The following RFX4 variants were observed in gnomAD, a reference collection of about 807,000 sequenced individuals.
RFX4 encodes the protein regulatory factor X4.
Under a neutral mutation model 95.0 loss-of-function variants are expected in RFX4, and 10 were observed. The ratio of observed to expected loss-of-function variants is 0.11; its 90% CI spans 0.06 to 0.18. The LOEUF is 0.18. Ranked by LOEUF, RFX4 falls within the 10% of genes least tolerant of loss-of-function variation. The probability of loss-of-function intolerance (pLI) is 1.00; values close to 1 mark genes in which losing one functional copy is unlikely to be tolerated. For synonymous variants in RFX4, 321 were observed against 340.7 expected (o/e 0.94, Z 0.64); for missense variants, 640 against 922.0 (o/e 0.69, Z 3.96).
chr12:106,673,343 T>C (rs2041322988), intron 4 of RFX4, among the ~76,000 whole-genome samples: 1 of 152,174 alleles, frequency 6.6e-6, no homozygotes, highest in African/African-American at 2.4e-5. Flanking sequence ...TGAAAGCCTG[T>C]TGAGGTTGAG....
At chr12:106,755,554 GA>G (rs1176119327) in intron 17 of RFX4, among the ~76,000 whole-genome samples, 1 of 152,194 alleles carries the variant, frequency 6.6e-6, no homozygotes, top group Admixed American at 6.5e-5. Context: ...TCGGAGAGTG[GA>G]AGGTGAATTC....
intron 2 of RFX4, among the ~76,000 whole-genome samples, chr12:106,635,658 A>G (rs2040497512): frequency 6.6e-6 from 1 of 152,076 alleles, no homozygotes; most frequent in African/African-American, 2.4e-5. Context: ...TTATTTGCTC[A>G]GTATTATAAT....
In RFX4 at chr12:106,583,156, C is replaced by A; in HGVS notation, c.-165C>A. 1 of 531,566 alleles carries A rather than the reference C, an allele frequency of 1.9e-6. No homozygotes were observed. The highest frequency in any genetic ancestry group is 3.1e-6 in the Non-Finnish European group (1 of 321,272). 32.9% of individuals were successfully genotyped at this position (531,566 alleles called of 1,614,324 possible). A position where few individuals can be genotyped will look rare whatever the true frequency, so the allele number is the denominator to read the frequency against. ...TTCTCTTTTCTTTCCTCTTCTTTTT[C>A]TTTTCTTTTCCTTTCCTCCTTTATC... is the stretch of plus-strand genomic sequence containing the variant. On this transcript the variant is annotated 5_prime_UTR_variant, in exon 1 of 18. Coordinates refer to ENST00000392842, the MANE Select transcript of RFX4 (RefSeq NM_213594.3).
intron 1 of RFX4, chr12:106,601,420 C>T: frequency 1.4e-6 from 2 of 1,450,254 alleles, no homozygotes; most frequent in Non-Finnish European, 1.9e-6. Context: ...GCCAGGCCCG[C>T]CTTGGTAGCT....
intron 8 of RFX4, among the ~76,000 whole-genome samples, chr12:106,706,822 C>T (rs550347777): frequency 3.5e-4 from 54 of 152,324 alleles, no homozygotes; most frequent in African/African-American, 1.2e-3. Context: ...ACAAACTAAA[C>T]ATCTTTGGGA....
At chr12:106,611,919 A>G (rs1196972413) in intron 2 of RFX4, among the ~76,000 whole-genome samples, 1 of 152,220 alleles carries the variant, frequency 6.6e-6, no homozygotes, top group Non-Finnish European at 1.5e-5. Flanking sequence ...GTCAAAAAAC[A>G]TTTGATCATG....
intron 3 of RFX4, among the ~76,000 whole-genome samples, chr12:106,643,035 G>A (rs1418194631): frequency 6.6e-6 from 1 of 152,212 alleles, no homozygotes; most frequent in Admixed American, 6.5e-5. Flanking sequence ...AGGGAGTTCT[G>A]AGGTGGAGAT....
At chr12:106,644,867 C>A (rs923290203) in intron 3 of RFX4, among the ~76,000 whole-genome samples, 1 of 152,158 alleles carries the variant, frequency 6.6e-6, no homozygotes, top group African/African-American at 2.4e-5. Flanking sequence ...AGTGGCCAGC[C>A]CCTGAGGACA....
chr12:106,724,820 T>C (rs2042460810), intron 13 of RFX4, among the ~76,000 whole-genome samples: 1 of 152,130 alleles, frequency 6.6e-6, no homozygotes, highest in African/African-American at 2.4e-5. Flanking sequence ...GAGACCAGCC[T>C]GGACAACATG....
At chr12:106,753,250 G>A (rs1182087583) in intron 17 of RFX4, among the ~76,000 whole-genome samples, 3 of 152,080 alleles carry the variant, frequency 2.0e-5, no homozygotes, top group African/African-American at 4.8e-5. Context: ...TGGATGTGCC[G>A]AGTTCCTCCA....
chr12:106,597,974 G>C (rs562922949), intron 1 of RFX4, among the ~76,000 whole-genome samples: 1 of 152,316 alleles, frequency 6.6e-6, no homozygotes, highest in South Asian at 2.1e-4. Flanking sequence ...GCTAGAACTT[G>C]CTCTGGTCCA....
At chr12:106,713,212 G>A (rs1188950386) in intron 10 of RFX4, among the ~76,000 whole-genome samples, 3 of 152,094 alleles carry the variant, frequency 2.0e-5, no homozygotes, top group South Asian at 2.1e-4. Context: ...ACTAAACAAC[G>A]TCCAACTGAA....
chr12:106,747,619 T>G lies in RFX4; in HGVS notation c.1796+20T>G, dbSNP rs370322027. ...ACATGGGTAGGTAACTTTCCAGGGA[T>G]GCTGCTGGACTTTTAAAATTTGATC... On this transcript the variant is annotated intron_variant, in intron 16 of 17. Coordinates refer to ENST00000392842, the MANE Select transcript of RFX4 (RefSeq NM_213594.3). 1.2e-6 allele frequency: 2 copies of G among 1,610,898 alleles called. No homozygotes were observed. The highest frequency in any genetic ancestry group is 1.7e-6 in the Non-Finnish European group (2 of 1,177,826).
At chr12:106,719,328 G>C (rs2042354695) in intron 11 of RFX4, among the ~76,000 whole-genome samples, 1 of 152,174 alleles carries the variant, frequency 6.6e-6, no homozygotes, top group Admixed American at 6.5e-5. Context: ...TTGTGGTCCA[G>C]AAACATTTGA....
At chr12:106,629,826 C>G (rs2040380886) in intron 2 of RFX4, among the ~76,000 whole-genome samples, 1 of 152,186 alleles carries the variant, frequency 6.6e-6, no homozygotes, top group South Asian at 2.1e-4. Context: ...CTATGACCCT[C>G]CGGCCTCAGC....
chr12:106,658,872 T>C (rs2041013993), intron 4 of RFX4, among the ~76,000 whole-genome samples: 1 of 152,126 alleles, frequency 6.6e-6, no homozygotes, highest in Non-Finnish European at 1.5e-5. Flanking sequence ...TGTAGCTCTG[T>C]TATTGTGTTG....
At chr12:106,668,835 CT>C (rs1305173483) in intron 4 of RFX4, among the ~76,000 whole-genome samples, 1 of 152,100 alleles carries the variant, frequency 6.6e-6, no homozygotes, top group Non-Finnish European at 1.5e-5. Context: ...TCACTTAAGA[CT>C]GTGGAGGGTG....
intron 13 of RFX4, among the ~76,000 whole-genome samples, chr12:106,731,548 A>G (rs1206987390): frequency 6.6e-6 from 1 of 152,250 alleles, no homozygotes; most frequent in African/African-American, 2.4e-5. Context: ...TTAATGAATT[A>G]CCTTTTCTAA....
chr12:106,687,182 T>TCTCTCCCA (rs1443795120), intron 6 of RFX4, 85 bp downstream of exon 6: 1 of 496,004 alleles, frequency 2.0e-6, no homozygotes. Flanking sequence ...TCTCTCTCTC[T>TCTCTCCCA]CACACACACA....
Sources: allele counts gnomAD v4.1 joint callset (sites outside exome capture counted in the v4.1 genomes callset), GRCh38; gene constraint gnomAD v4.1.1; transcripts MANE v1.5; gene names NCBI Gene and HGNC (gene_info 2026-07-23, HGNC 2026-07-21).